The following ZNF516 variants were observed in gnomAD, a reference collection of about 807,000 sequenced individuals.
ZNF516 encodes the protein zinc finger protein 516.
A neutral mutation model predicts 79.7 loss-of-function variants in ZNF516; 19 were observed. That is an observed-to-expected ratio of 0.24 (90% confidence interval 0.17 to 0.35). ZNF516 has a LOEUF of 0.35. Among genes scored for constraint, ZNF516 ranks in the 10% least tolerant of loss-of-function variants. The pLI is 1.00. For synonymous variants in ZNF516, 877 were observed against 739.5 expected, an observed-to-expected ratio of 1.19 and a Z score of -3.02; for missense variants, 1,678 against 1,679.5, an observed-to-expected ratio of 1.00 and a Z score of 0.02.
intron 3 of ZNF516, among the ~76,000 whole-genome samples, chr18:76,426,811 C>T (rs148925712): frequency 1.3e-5 from 2 of 152,280 alleles, no homozygotes; most frequent in Non-Finnish European, 2.9e-5. Flanking sequence ...TAGGGAGCAC[C>T]GGCATCATCT....
rs1555693911 is a variant in ZNF516 at position 76,360,642 on chromosome 18, A to AAAAT, written c.*1855_*1856insATTT. ...TCAGAAAAAAATAAGTAAAAAAAAA[A>AAAAT]AAAAATATATATATATATATATATA... On this transcript the variant is annotated 3_prime_UTR_variant, in exon 7 of 7. Transcript: ENST00000443185. 1.8e-4 allele frequency: 19 copies of AAAAT among 107,036 alleles called. No individual in the cohort carries two copies. The East Asian group carries it at 3.7e-3, about 21-fold the overall frequency. The allele number at this position is 107,036 out of a possible 1,614,324, so 6.6% of individuals were successfully genotyped here.
At chr18:76,405,025 C>A (rs1255688834) in intron 3 of ZNF516, among the ~76,000 whole-genome samples, 1 of 152,172 alleles carries the variant, frequency 6.6e-6, no homozygotes, top group African/African-American at 2.4e-5. Context: ...CTGCCCTTTG[C>A]TCCCAGCAAA....
intron 3 of ZNF516, among the ~76,000 whole-genome samples, chr18:76,403,475 G>A (rs190170377): frequency 8.7e-4 from 133 of 152,296 alleles, no homozygotes; most frequent in Non-Finnish European, 1.6e-3. Context: ...AGTCACACAC[G>A]CATTCGCACA....
rs571040111 is a variant in ZNF516 at position 76,406,139 on chromosome 18, C to T, written c.1811-25836G>A. ...CAGCCCCTCCTCCGGAGGCACCGCCCGGCCTGCAACTCGCCCGCGCTGCCC... is the reference window on the plus strand; with the variant it reads ...CAGCCCCTCCTCCGGAGGCACCGCCTGGCCTGCAACTCGCCCGCGCTGCCC... On this transcript the variant is annotated intron_variant, in intron 3 of 6. Coordinates refer to ENST00000443185, the MANE Select transcript of ZNF516 (RefSeq NM_014643.4). Among the ~76,000 whole-genome samples the T allele has an allele frequency of 9.8e-4, 149 of 152,344 alleles. 1 individual carries two copies. The highest frequency in any genetic ancestry group is 2.9e-3 in the African/African-American group (119 of 41,580).
At chr18:76,486,804 T>A (rs1434341070) in intron 1 of ZNF516, among the ~76,000 whole-genome samples, 1 of 152,164 alleles carries the variant, frequency 6.6e-6, no homozygotes, top group African/African-American at 2.4e-5. Context: ...TTACATACGA[T>A]ATACATCTCT....
chr18:76,468,002 G>A (rs940938742), intron 1 of ZNF516, among the ~76,000 whole-genome samples: 4 of 152,122 alleles, frequency 2.6e-5, no homozygotes, highest in African/African-American at 7.2e-5. Context: ...AGCACGCGAC[G>A]GACGGCCTTG....
In ZNF516 at chr18:76,427,089, A is replaced by C. The variant is rs138523407; in HGVS notation, c.1810+14156T>G. 4.5e-3 allele frequency among the ~76,000 whole-genome samples: 681 copies of C among 152,372 alleles called. 5 individuals are homozygous for C. Among genetic ancestry groups the C allele is most frequent in the African/African-American group, 0.016 (649 of 41,592 alleles). On this transcript the variant is annotated intron_variant, in intron 3 of 6. Coordinates refer to ENST00000443185, the MANE Select transcript of ZNF516 (RefSeq NM_014643.4). ...CAAGAGCCTGAGAGAGAGAACGGGC[A>C]CAATGCCGGGAACACAGGGCAAGTT...
Position 76,467,564 on chromosome 18 carries a change from G to A in ZNF516, c.-271-4423C>T, listed in dbSNP as rs1427096831. ...GCAAGTAAGTGCTCAGTCAAGGAGG[G>A]GACAAGGCTTCGGAGGCTGGTGGTG... On this transcript the variant is annotated intron_variant, in intron 1 of 6. Coordinates refer to ENST00000443185, the MANE Select transcript of ZNF516 (RefSeq NM_014643.4). The surrounding 1 kb of genome is among the most constrained non-coding windows in gnomAD (Gnocchi z 4.2). 6.6e-6 allele frequency among the ~76,000 whole-genome samples: 1 copy of A among 152,162 alleles called. No homozygotes were observed. The highest frequency in any genetic ancestry group is 2.4e-5 in the African/African-American group (1 of 41,452).
intron 3 of ZNF516, among the ~76,000 whole-genome samples, chr18:76,384,540 C>T (rs1273606467): frequency 6.9e-6 from 1 of 144,876 alleles, no homozygotes; most frequent in Non-Finnish European, 1.5e-5. Context: ...GAACCCCACG[C>T]CCCCTCTGTG....
rs757136263 is a variant in ZNF516 at position 76,477,536 on chromosome 18, C to T, written c.-271-14395G>A. Among the ~76,000 whole-genome samples the T allele has an allele frequency of 6.6e-5, 10 of 152,224 alleles. No homozygotes were observed. The East Asian group carries it at 1.4e-3, about 21-fold the overall frequency. The stretch of plus-strand genomic sequence containing the variant: ...GACAAAAGGCGAGATTCGTTCTGTC[C>T]GGGGAAAAACAAGGTCAGGTTTTTG... On this transcript the variant is annotated intron_variant, in intron 1 of 6. Transcript: ENST00000443185.
chr18:76,415,222 GAAAAAAGAAAA>G (rs1329452670), intron 3 of ZNF516, among the ~76,000 whole-genome samples: 3 of 151,938 alleles, frequency 2.0e-5, no homozygotes, highest in Non-Finnish European at 4.4e-5. Flanking sequence ...AAGAAAAGAG[GAAAAAAGAAAA>G]GAAAAAGAAA....
chr18:76,494,167 C>T (rs1915380874), intron 1 of ZNF516, among the ~76,000 whole-genome samples: 1 of 152,196 alleles, frequency 6.6e-6, no homozygotes, highest in Admixed American at 6.5e-5. Flanking sequence ...TTTAAATACC[C>T]CACTCGGCTG....
rs1181004046 is a variant in ZNF516 at position 76,493,357 on chromosome 18, G to A, written c.-272+1787C>T. 5.6e-6 allele frequency: 1 copy of A among 177,178 alleles called. No individual in the cohort carries two copies. The highest frequency in any genetic ancestry group is 1.1e-5 in the Non-Finnish European group (1 of 91,216). 11.0% of individuals were successfully genotyped at this position (177,178 alleles called of 1,614,324 possible). A position where few individuals can be genotyped will look rare whatever the true frequency, so the allele number is the denominator to read the frequency against. ...GGGGGGGGGGCGGGGGCCGACGCAG[G>A]GGAAAGAGTTGCTCTCTACACCGAA... is the stretch of plus-strand genomic sequence containing the variant. On this transcript the variant is annotated intron_variant, in intron 1 of 6. Transcript: ENST00000443185. The surrounding 1 kb of genome is among the most constrained non-coding windows in gnomAD (Gnocchi z 5.2).
chr18:76,366,632 G>C (rs553776492), intron 6 of ZNF516, among the ~76,000 whole-genome samples: 29 of 152,202 alleles, frequency 1.9e-4, no homozygotes, highest in African/African-American at 5.1e-4. Flanking sequence ...CTACACGGGC[G>C]TAAGTATGTG....
intron 3 of ZNF516, among the ~76,000 whole-genome samples, chr18:76,429,259 G>A (rs1229375374): frequency 6.6e-6 from 1 of 152,236 alleles, no homozygotes; most frequent in Non-Finnish European, 1.5e-5. Context: ...AAACAGGTGT[G>A]TGGGGAGCAA....
chr18:76,486,832 C>G (rs1368995930), intron 1 of ZNF516, among the ~76,000 whole-genome samples: 1 of 152,086 alleles, frequency 6.6e-6, no homozygotes, highest in Non-Finnish European at 1.5e-5. Flanking sequence ...CCAGTAAATT[C>G]TGAGATTCTA....
chr18:76,424,938 A>C (rs1255137791), intron 3 of ZNF516, among the ~76,000 whole-genome samples: 1 of 129,558 alleles, frequency 7.7e-6, no homozygotes, highest in African/African-American at 3.0e-5. Flanking sequence ...AGGTTCCCCC[A>C]TGAAACACAT....
chr18:76,406,436 C>T (rs987988604), intron 3 of ZNF516, among the ~76,000 whole-genome samples: 6 of 152,104 alleles, frequency 3.9e-5, no homozygotes, highest in Non-Finnish European at 7.3e-5. Context: ...TGGTGGTGCA[C>T]GCCTGTAATC....
chr18:76,478,799 T>C (rs978306311), intron 1 of ZNF516, among the ~76,000 whole-genome samples: 1 of 152,172 alleles, frequency 6.6e-6, no homozygotes, highest in Non-Finnish European at 1.5e-5. Context: ...CTCAGACCTG[T>C]AATCCCGGCA....
Sources: gnomAD v4.1 joint callset for allele counts (sites outside exome capture counted in the v4.1 genomes callset) on GRCh38, gnomAD v4.1.1 for gene constraint, Gnocchi (gnomAD v3.1) non-coding constraint, MANE v1.5 for transcripts, NCBI Gene and HGNC (gene_info 2026-07-23, HGNC 2026-07-21) for gene names.